CGNL1: variants seen among roughly 807,000 people sequenced by gnomAD.
The protein encoded by CGNL1 is cingulin like 1, also known as cingulin-like protein 1.
CGNL1 carries 132 observed loss-of-function variants against 141.2 expected under a neutral mutation model. The observed-to-expected ratio is 0.93, with a 90% CI of 0.81 to 1.08. The LOEUF (loss-of-function observed/expected upper bound fraction) is 1.08, where lower values mean the gene tolerates loss of function less well. Among genes scored for constraint, CGNL1 ranks in the 50% least tolerant of loss-of-function variants. The probability of loss-of-function intolerance (pLI) is 0.00; values close to 1 mark genes in which losing one functional copy is unlikely to be tolerated. For missense variants in CGNL1, 1,870 were observed against 1,588.6 expected (o/e 1.18, Z -3.01); for synonymous variants, 690 against 622.1 (o/e 1.11, Z -1.63).
chr15:57,547,205 A>C (rs1262224443), intron 18 of CGNL1, 150 bp from the exon 19 acceptor site: 24 of 850,968 alleles, frequency 2.8e-5, no homozygotes, highest in Non-Finnish European at 3.8e-5. Context: ...TGAAGGGGCC[A>C]TCAGGTGGAG....
intron 15 of CGNL1, 53 bp from the exon 16 acceptor site, chr15:57,544,420 G>A: frequency 6.2e-7 from 1 of 1,610,362 alleles, no homozygotes; most frequent in Non-Finnish European, 8.5e-7. Flanking sequence ...TCGCTGCTCT[G>A]CACAGAGCGT....
chr15:57,543,464 G>T (rs1371864118), intron 14 of CGNL1, among the ~76,000 whole-genome samples: 1 of 152,140 alleles, frequency 6.6e-6, no homozygotes, highest in Admixed American at 6.5e-5. Context: ...CCTAACAGCA[G>T]GGCTAGCTTT....
intron 8 of CGNL1, among the ~76,000 whole-genome samples, chr15:57,501,646 C>T (rs142429316): frequency 2.5e-3 from 383 of 152,204 alleles, no homozygotes; most frequent in Non-Finnish European, 4.5e-3. Context: ...TGATTTTCCC[C>T]CAGAAGTCAA....
intron 1 of CGNL1, among the ~76,000 whole-genome samples, chr15:57,396,260 A>G (rs1595658857): frequency 6.9e-6 from 1 of 144,400 alleles, no homozygotes; most frequent in Admixed American, 6.9e-5. Flanking sequence ...TTATTGTGCT[A>G]CTTACTTTCT....
At chr15:57,377,715 G>T (rs1198398101) in intron 1 of CGNL1, among the ~76,000 whole-genome samples, 1 of 152,230 alleles carries the variant, frequency 6.6e-6, no homozygotes, top group Admixed American at 6.5e-5. Flanking sequence ...TGCCAAGGAG[G>T]TGGGAGTGTA....
intron 1 of CGNL1, among the ~76,000 whole-genome samples, chr15:57,431,598 G>A (rs1222765014): frequency 1.3e-5 from 2 of 152,200 alleles, no homozygotes; most frequent in East Asian, 3.9e-4. Context: ...CATCCTTTAG[G>A]AGTAAATGTG....
At chr15:57,423,922 C>T (rs571300719) in intron 1 of CGNL1, among the ~76,000 whole-genome samples, 15 of 152,328 alleles carry the variant, frequency 9.8e-5, no homozygotes, top group Admixed American at 5.2e-4. Flanking sequence ...GCAGAGCCAC[C>T]GCAGCTCGGT....
intron 1 of CGNL1, among the ~76,000 whole-genome samples, chr15:57,388,731 T>C (rs1279450403): frequency 1.3e-5 from 2 of 152,244 alleles, no homozygotes; most frequent in Non-Finnish European, 2.9e-5. Flanking sequence ...GGAGAAATTA[T>C]GCTTGGCAAA....
At chr15:57,547,192 G>A (rs547554904) in intron 18 of CGNL1, among the ~76,000 whole-genome samples, 163 bp from the exon 19 acceptor site, 135 of 152,304 alleles carry the variant, frequency 8.9e-4, no homozygotes, top group African/African-American at 2.9e-3. Flanking sequence ...GACTCCCTGT[G>A]GCTGAAGGGG....
At position 57,452,247 on chromosome 15, in the gene CGNL1, G is replaced by A. The variant is rs772369065; in HGVS notation, c.2012G>A (p.Arg671Gln). The stretch of plus-strand genomic sequence containing the variant: ...GAGGAGAACTCCACATTGCAGCAAC[G>A]ACTGGAAGAAAGTGAAGGGGAGCTC... ...KVEENSTLQQ[R>Q]LEESEGELRK... is the part of the protein sequence containing the mutation. Residue 671 changes from arginine (R) to glutamine (Q), a missense_variant, in exon 6 of 19, where the codon CGA becomes CAA. Physicochemically the swap from Arg to Gln is conservative, Grantham distance 43. Coordinates refer to ENST00000281282, the MANE Select transcript of CGNL1 (RefSeq NM_032866.5). 1.2e-5 allele frequency: 19 copies of A among 1,613,802 alleles called. No individual in the cohort carries two copies. The highest frequency in any genetic ancestry group is 6.7e-5 in the East Asian group (3 of 44,866).
chr15:57,516,795 G>T lies in CGNL1; in HGVS notation c.2419G>T (p.Ala807Ser), dbSNP rs772440752. Reference protein sequence around the residue: ...EEATKNVEVLASRSNTSEQDQ... With the variant: ...EEATKNVEVLSSRSNTSEQDQ... Reference sequence around the variant, plus strand: ...TTTTTAACAGAATGTCGAGGTCTTGGCGAGCAGGAGCAACACTTCAGAGCA... The same window carrying T: ...TTTTTAACAGAATGTCGAGGTCTTGTCGAGCAGGAGCAACACTTCAGAGCA... Residue 807 changes from alanine to serine, a missense_variant, in exon 9 of 19, where the codon GCG becomes TCG. Transcript: ENST00000281282. The T allele has an allele frequency of 6.2e-7, 1 of 1,614,114 alleles. No individual in the cohort carries two copies.
At chr15:57,534,366 C>T (rs2032133645) in intron 14 of CGNL1, among the ~76,000 whole-genome samples, 1 of 152,214 alleles carries the variant, frequency 6.6e-6, no homozygotes, top group South Asian at 2.1e-4. Context: ...CTGATGTCTC[C>T]TGATTGTGTT....
intron 1 of CGNL1, among the ~76,000 whole-genome samples, chr15:57,437,041 G>A (rs1184752412): frequency 1.3e-5 from 2 of 152,068 alleles, no homozygotes; most frequent in African/African-American, 4.8e-5. Flanking sequence ...TGTTCTTCCT[G>A]GAGTCCCTTT....
chr15:57,441,828 A>G (rs981124889), intron 3 of CGNL1, among the ~76,000 whole-genome samples: 2 of 152,132 alleles, frequency 1.3e-5, no homozygotes, highest in Admixed American at 6.5e-5. Context: ...AAAACTTAGT[A>G]TCTCCGTGTT....
intron 6 of CGNL1, 127 bp from the exon 7 acceptor site, chr15:57,453,556 A>T: frequency 8.1e-7 from 1 of 1,239,868 alleles, no homozygotes; most frequent in South Asian, 1.5e-5. Context: ...CTCAGTGCAG[A>T]ACAGAGAATG....
At chr15:57,477,252 G>T (rs575548916) in intron 8 of CGNL1, among the ~76,000 whole-genome samples, 32 of 152,312 alleles carry the variant, frequency 2.1e-4, no homozygotes, top group African/African-American at 6.7e-4. Context: ...AAAGCATTCA[G>T]GGAGACGTGG....
chr15:57,478,669 C>G (rs535859580), intron 8 of CGNL1, among the ~76,000 whole-genome samples: 1 of 152,136 alleles, frequency 6.6e-6, no homozygotes, highest in Non-Finnish European at 1.5e-5. Flanking sequence ...TTGAGAGTCT[C>G]GCACTGTCAC....
intron 9 of CGNL1, among the ~76,000 whole-genome samples, chr15:57,517,925 A>G (rs1197865527): frequency 7.7e-6 from 1 of 130,506 alleles, no homozygotes; most frequent in East Asian, 2.0e-4. Context: ...CTTTTATAAA[A>G]CTGTGTGTGT....
Position 57,438,169 on chromosome 15 carries a change from T to C in CGNL1, c.170T>C (p.Leu57Pro). The change falls in exon 2 of 19, where the codon CTG becomes CCG. Residue 57 changes from leucine to proline, a missense_variant. Transcript: ENST00000281282. ...QGIDGHPYIV[L>P]NNTERCLAGT... The stretch of plus-strand genomic sequence containing the variant: ...ATTGATGGTCACCCCTATATTGTCC[T>C]GAATAACACAGAACGGTGCCTAGCA... 2 of 1,614,164 alleles carry C rather than the reference T, an allele frequency of 1.2e-6. No homozygotes were observed. The highest frequency in any genetic ancestry group is 2.2e-5 in the South Asian group (2 of 91,080).
Sources: allele counts gnomAD v4.1 joint callset (sites outside exome capture counted in the v4.1 genomes callset), GRCh38; gene constraint gnomAD v4.1.1; transcripts MANE v1.5; gene names NCBI Gene and HGNC (gene_info 2026-07-23, HGNC 2026-07-21).